Variants in LCOR observed in about 807,000 individuals in gnomAD.
LCOR encodes ligand dependent nuclear receptor corepressor.
In LCOR, 14 loss-of-function variants were observed where a neutral mutation model predicts 64.4. That is an observed-to-expected ratio of 0.22 (90% CI 0.14 to 0.34). The LOEUF is 0.34. Among genes scored for constraint, LCOR ranks in the 10% least tolerant of loss-of-function variants. The pLI is 1.00. For synonymous variants in LCOR, 643 were observed against 642.5 expected (o/e 1.00, Z -0.01); for missense variants, 1,686 against 1,765.3 (o/e 0.96, Z 0.80).
At chr10:96,844,252 C>T (rs1403680258) in intron 2 of LCOR, among the ~76,000 whole-genome samples, 1 of 150,802 alleles carries the variant, frequency 6.6e-6, no homozygotes, top group African/African-American at 2.4e-5. Flanking sequence ...CTGGACTCAA[C>T]TGATCCTCCT....
intron 2 of LCOR, among the ~76,000 whole-genome samples, chr10:96,867,500 G>A (rs1845994370): frequency 6.6e-6 from 1 of 152,166 alleles, no homozygotes; most frequent in Non-Finnish European, 1.5e-5. Flanking sequence ...AGAAGACTGA[G>A]GTGGGAGGAT....
intron 4 of LCOR, among the ~76,000 whole-genome samples, chr10:96,936,487 G>T (rs568726923): frequency 1.3e-5 from 2 of 152,200 alleles, no homozygotes; most frequent in East Asian, 3.9e-4. Flanking sequence ...GTAAACTTTA[G>T]CACTGATCAA....
At chr10:96,920,147 C>T (rs1223354580) in intron 4 of LCOR, among the ~76,000 whole-genome samples, 1 of 151,574 alleles carries the variant, frequency 6.6e-6, no homozygotes, top group Non-Finnish European at 1.5e-5. Flanking sequence ...CATTGTTGCC[C>T]TCATTTGTTT....
At position 96,982,622 on chromosome 10, in the gene LCOR, G is replaced by A. The variant is rs1192322059; in HGVS notation, c.2162G>A (p.Gly721Glu). ...PMGLEPPMSLGKAEDNQSISA... is the reference protein window; with the variant it reads ...PMGLEPPMSLEKAEDNQSISA... ...GGCTTGGAGCCCCCCATGAGTCTGG[G>A]AAAGGCTGAGGACAACCAAAGCATC... Residue 721 changes from glycine to glutamate, a missense_variant, in exon 8 of 8, where the codon GGA becomes GAA. Transcript: ENST00000421806. 1 of 1,614,160 alleles carries A rather than the reference G, an allele frequency of 6.2e-7. No homozygotes were observed. Among genetic ancestry groups the A allele is most frequent in the East Asian group, 2.2e-5 (1 of 44,888 alleles).
At chr10:96,967,385 G>T (rs1476877256) in intron 7 of LCOR, among the ~76,000 whole-genome samples, 3 of 152,126 alleles carry the variant, frequency 2.0e-5, no homozygotes, top group South Asian at 2.1e-4. Flanking sequence ...GCCTACCTTG[G>T]CCTCCCAAAG....
Position 96,858,788 on chromosome 10 carries a change from C to T in LCOR, c.-330+25309C>T, listed in dbSNP as rs538214638. 3.4e-4 allele frequency among the ~76,000 whole-genome samples: 52 copies of T among 152,130 alleles called. No homozygotes were observed. In the South Asian group the frequency reaches 8.1e-3, roughly 24 times the overall value. On this transcript the variant is annotated intron_variant, in intron 2 of 7. Transcript: ENST00000421806. ...TTTTGCTATCAGGACCTCACAGATCCGTACTTTTAACAAGCATGAATGAAT... is the reference window on the plus strand; with the variant it reads ...TTTTGCTATCAGGACCTCACAGATCTGTACTTTTAACAAGCATGAATGAAT...
At chr10:96,955,954 CTGGG>C (rs1473190466) in intron 7 of LCOR, 1 of 1,588,382 alleles carries the variant, frequency 6.3e-7, no homozygotes, top group East Asian at 2.2e-5. Flanking sequence ...ACTGTACAAA[CTGGG>C]TGAGCACTAC....
chr10:96,970,653 A>ATTTTATTTTATTTATTTTATTTTAT (rs1208672189), intron 7 of LCOR, among the ~76,000 whole-genome samples: 1 of 140,798 alleles, frequency 7.1e-6, no homozygotes, highest in African/African-American at 2.6e-5. Flanking sequence ...ATTTTATTTT[A>ATTTTATTTTATTTATTTTATTTTAT]TTTATTTTAT....
rs951990101 is a variant in LCOR at position 96,984,224 on chromosome 10, A to G, written c.3764A>G (p.Gln1255Arg). 3.1e-6 allele frequency: 5 copies of G among 1,614,040 alleles called. No individual in the cohort carries two copies. Among genetic ancestry groups the G allele is most frequent in the African/African-American group, 1.3e-5 (1 of 74,936 alleles). ...CCTGCTAAGAATAATTGGAAAATGC[A>G]GAAGCTCTGGGCCAAATTTCGAGAG... Reference protein sequence around the residue: ...ATPAKNNWKMQKLWAKFRENP... With the variant: ...ATPAKNNWKMRKLWAKFRENP... Residue 1255 changes from glutamine (Q) to arginine (R), a missense_variant, in exon 8 of 8, where the codon CAG becomes CGG. Around this residue, in one of 3 missense-constraint regions of LCOR, gnomAD observed 1,293 missense variants for 1,410.4 expected, o/e 0.92. Coordinates refer to ENST00000421806, the MANE Select transcript of LCOR (RefSeq NM_001346516.2).
At chr10:96,834,680 T>TAAAA (rs1845410656) in intron 2 of LCOR, among the ~76,000 whole-genome samples, 1 of 152,224 alleles carries the variant, frequency 6.6e-6, no homozygotes, top group African/African-American at 2.4e-5. Context: ...CAGGGCTTTT[T>TAAAA]AGTCTTTGAA....
At position 96,949,697 on chromosome 10, in the gene LCOR, A is replaced by G. The variant is rs993709314; in HGVS notation, c.238+402A>G. On this transcript the variant is annotated intron_variant, in intron 6 of 7. Coordinates refer to ENST00000421806, the MANE Select transcript of LCOR (RefSeq NM_001346516.2). ...GAGAAATATGCCTCTACTTGCAGGT[A>G]TAAGTTATATACTCTGCAAATGAGA... 5.3e-5 allele frequency among the ~76,000 whole-genome samples: 8 copies of G among 152,338 alleles called. No homozygotes were observed. The South Asian group carries it at 6.2e-4, about 12-fold the overall frequency.
chr10:96,964,936 T>C (rs1847932900), intron 7 of LCOR, among the ~76,000 whole-genome samples: 1 of 152,170 alleles, frequency 6.6e-6, no homozygotes, highest in African/African-American at 2.4e-5. Flanking sequence ...GTAGTTCTCA[T>C]TCTTGGCAGT....
intron 4 of LCOR, among the ~76,000 whole-genome samples, chr10:96,940,276 A>G (rs963555610): frequency 2.7e-5 from 4 of 150,850 alleles, no homozygotes; most frequent in African/African-American, 9.8e-5. Context: ...AATGTTGGCA[A>G]ATACAACTAT....
chr10:96,975,003 G>A (rs886101486), intron 7 of LCOR, among the ~76,000 whole-genome samples: 5 of 152,058 alleles, frequency 3.3e-5, no homozygotes, highest in African/African-American at 9.7e-5. Context: ...AAACCCCATC[G>A]CTAGTAAAAA....
intron 5 of LCOR, 118 bp downstream of exon 5, chr10:96,944,363 A>G (rs1458721411): frequency 2.2e-6 from 1 of 454,550 alleles, no homozygotes. Context: ...GATATAATTT[A>G]TATTGTTCTA....
intron 4 of LCOR, among the ~76,000 whole-genome samples, chr10:96,942,418 CAG>C (rs1847507376): frequency 6.6e-6 from 1 of 151,778 alleles, no homozygotes; most frequent in African/African-American, 2.4e-5. Context: ...GGCTCGGCAT[CAG>C]AGGGAGACCG....
intron 2 of LCOR, among the ~76,000 whole-genome samples, chr10:96,838,210 C>T (rs770995644): frequency 1.3e-5 from 2 of 152,046 alleles, no homozygotes; most frequent in Non-Finnish European, 2.9e-5. Context: ...ATTTACATAC[C>T]ATAACAACTT....
intron 4 of LCOR, among the ~76,000 whole-genome samples, chr10:96,928,224 T>C (rs1564628637): frequency 6.6e-6 from 1 of 152,230 alleles, no homozygotes; most frequent in East Asian, 1.9e-4. Context: ...TTACCCGTAG[T>C]AGAACTTCTT....
intron 2 of LCOR, among the ~76,000 whole-genome samples, chr10:96,881,602 G>GC (rs1399274319): frequency 3.3e-5 from 5 of 151,880 alleles, no homozygotes; most frequent in Admixed American, 1.3e-4. Flanking sequence ...GATTACAGGT[G>GC]CCCGCCACCA....
Sources: allele counts gnomAD v4.1 joint callset (sites outside exome capture counted in the v4.1 genomes callset), GRCh38; gene constraint gnomAD v4.1.1; regional missense constraint gnomAD v4.1.1; transcripts MANE v1.5; gene names NCBI Gene and HGNC (gene_info 2026-07-23, HGNC 2026-07-21).